Variants in ATP6V0A4 observed in about 807,000 individuals in gnomAD.
ATP6V0A4 encodes the protein V-type proton ATPase 116 kDa subunit a 4.
Under a neutral mutation model 107.3 loss-of-function variants are expected in ATP6V0A4, and 86 were observed. The observed-to-expected ratio is 0.80, with a 90% CI of 0.67 to 0.96. ATP6V0A4 has a LOEUF of 0.96. Among genes scored for constraint, ATP6V0A4 ranks in the 40% least tolerant of loss-of-function variants. The pLI, the probability that ATP6V0A4 is intolerant of heterozygous loss-of-function variation, is 0.00. For missense variants in ATP6V0A4, 908 were observed against 1,045.6 expected, an observed-to-expected ratio of 0.87 and a Z score of 1.81; for synonymous variants, 353 against 381.4, an observed-to-expected ratio of 0.93 and a Z score of 0.87.
intron 5 of ATP6V0A4, among the ~76,000 whole-genome samples, chr7:138,767,766 T>C (rs1213244875): frequency 6.6e-5 from 10 of 151,908 alleles, no homozygotes; most frequent in Admixed American, 6.6e-4. Flanking sequence ...TTCAGTTAAG[T>C]CCCCCAGGGT....
At position 138,779,281 on chromosome 7, in the gene ATP6V0A4, G is replaced by A. The variant is rs548495444; in HGVS notation, c.-18+6877C>T. Among the ~76,000 whole-genome samples, 3 of 151,890 alleles carry A rather than the reference G, an allele frequency of 2.0e-5. No individual in the cohort carries two copies. The South Asian group carries it at 6.3e-4, about 32-fold the overall frequency. Reference sequence around the variant, plus strand: ...AGGATGACCTGAGCCTGGGGAGGTCGAGGCTGCAGTGAGCCATGATCATGC... The same window carrying A: ...AGGATGACCTGAGCCTGGGGAGGTCAAGGCTGCAGTGAGCCATGATCATGC... On this transcript the variant is annotated intron_variant, in intron 2 of 21. Coordinates refer to ENST00000310018, the MANE Select transcript of ATP6V0A4 (RefSeq NM_020632.3).
At chr7:138,796,106 T>C (rs1354253761) in intron 1 of ATP6V0A4, among the ~76,000 whole-genome samples, 2 of 152,168 alleles carry the variant, frequency 1.3e-5, no homozygotes, top group Non-Finnish European at 2.9e-5. Context: ...CAGGGTTTAC[T>C]TGTGAGGAAA....
chr7:138,767,325 C>G (rs1807143304), intron 5 of ATP6V0A4, among the ~76,000 whole-genome samples: 1 of 152,150 alleles, frequency 6.6e-6, no homozygotes, highest in South Asian at 2.1e-4. Context: ...GAGTTCGAGA[C>G]CAGCCTGGAC....
intron 15 of ATP6V0A4, 129 bp downstream of exon 15, chr7:138,739,411 A>T: frequency 8.4e-7 from 1 of 1,189,970 alleles, no homozygotes; most frequent in Non-Finnish European, 1.2e-6. Flanking sequence ...CAAAAACGTC[A>T]GCAGAAGTTA....
At chr7:138,722,268 T>C (rs1804460055) in intron 18 of ATP6V0A4, among the ~76,000 whole-genome samples, 1 of 151,912 alleles carries the variant, frequency 6.6e-6, no homozygotes, top group Non-Finnish European at 1.5e-5. Flanking sequence ...GCACAGCTTG[T>C]AGTGAGCGGA....
At chr7:138,769,005 C>A in intron 4 of ATP6V0A4, 131 bp from the exon 5 acceptor site, 1 of 1,569,924 alleles carries the variant, frequency 6.4e-7, no homozygotes, top group Admixed American at 1.9e-5. Context: ...TGCCACAGCA[C>A]CTGGATCCCA....
chr7:138,777,966 G>A (rs554678462), intron 2 of ATP6V0A4, among the ~76,000 whole-genome samples: 1 of 152,224 alleles, frequency 6.6e-6, no homozygotes, highest in African/African-American at 2.4e-5. Context: ...GGAAAATTTC[G>A]CTGACTTCAT....
intron 14 of ATP6V0A4, among the ~76,000 whole-genome samples, chr7:138,743,460 AAAAAAAAAAAG>A (rs926200060): frequency 1.3e-5 from 2 of 150,946 alleles, no homozygotes; most frequent in African/African-American, 4.9e-5. Flanking sequence ...TCCATCTCAA[AAAAAAAAAAAG>A]AAAAAGAAAA....
intron 1 of ATP6V0A4, among the ~76,000 whole-genome samples, chr7:138,793,835 C>T (rs1245611724): frequency 6.6e-6 from 1 of 152,154 alleles, no homozygotes; most frequent in Non-Finnish European, 1.5e-5. Flanking sequence ...TTTGTGTTAA[C>T]CTCCGCGTGT....
rs1806908070 is a variant in ATP6V0A4, at chr7:138,763,044, G to A, written c.292-19C>T. The stretch of plus-strand genomic sequence containing the variant: ...GAACAGTCTATGCAGGAAGGAAAAA[G>A]AAGGTAAGCCAACAGAAAGTGCTAT... On this transcript the variant is annotated intron_variant, in intron 5 of 21. Coordinates refer to ENST00000310018, the MANE Select transcript of ATP6V0A4 (RefSeq NM_020632.3). 2 of 1,613,800 alleles carry A rather than the reference G, an allele frequency of 1.2e-6. No individual in the cohort carries two copies. Among genetic ancestry groups the A allele is most frequent in the African/African-American group, 1.3e-5 (1 of 74,988 alleles).
intron 3 of ATP6V0A4, 121 bp downstream of exon 3, chr7:138,771,010 A>G (rs1807353478): frequency 9.5e-7 from 1 of 1,048,928 alleles, no homozygotes; most frequent in African/African-American, 1.6e-5. Context: ...AATTTCATCG[A>G]TTCCAGCTCA....
intron 12 of ATP6V0A4, among the ~76,000 whole-genome samples, chr7:138,747,835 A>G (rs1584922519): frequency 2.6e-5 from 4 of 151,856 alleles, no homozygotes; most frequent in Admixed American, 2.6e-4. Context: ...GCTCACTGCA[A>G]CCTCCACCTC....
At chr7:138,756,352 C>T in intron 9 of ATP6V0A4, 106 bp downstream of exon 9, 1 of 1,557,606 alleles carries the variant, frequency 6.4e-7, no homozygotes, top group Non-Finnish European at 8.8e-7. Context: ...TATTCTAAAG[C>T]CTTACTGACC....
chr7:138,716,056 G>T, intron 19 of ATP6V0A4, 175 bp from the exon 20 acceptor site: 1 of 447,862 alleles, frequency 2.2e-6, no homozygotes, highest in Non-Finnish European at 3.0e-6. Flanking sequence ...AAAGTCGTAT[G>T]TTATGTGTGT....
intron 18 of ATP6V0A4, among the ~76,000 whole-genome samples, chr7:138,725,541 C>T (rs1488508706): frequency 1.1e-4 from 17 of 151,726 alleles, no homozygotes; most frequent in Middle Eastern, 6.8e-3. Context: ...GACGGAGTCT[C>T]GCTTATGTCG....
intron 19 of ATP6V0A4, among the ~76,000 whole-genome samples, chr7:138,718,524 A>AT: frequency 8.8e-6 from 1 of 114,160 alleles, no homozygotes. Context: ...CCAGGAAGGA[A>AT]TGGGGCGGGT....
chr7:138,751,515 C>T (rs1273562945), intron 11 of ATP6V0A4, among the ~76,000 whole-genome samples: 1 of 151,294 alleles, frequency 6.6e-6, no homozygotes, highest in Non-Finnish European at 1.5e-5. Context: ...TCCTGCCCCT[C>T]GCCGTCCCCT....
chr7:138,745,962 A>AAAATATAT lies in ATP6V0A4; in HGVS notation c.1321-683_1321-682insATATATTT, dbSNP rs1554396065. ...CTGTCTCAAAAAAAAAAAAAAAAAA[A>AAAATATAT]ATATATATATATATATAAAATATAT... On this transcript the variant is annotated intron_variant, in intron 13 of 21. Transcript: ENST00000310018. Among the ~76,000 whole-genome samples the AAAATATAT allele has an allele frequency of 1.5e-4, 10 of 65,678 alleles. 1 individual carries two copies. The highest frequency in any genetic ancestry group is 6.0e-4 in the African/African-American group (9 of 14,912). The allele number at this position is 65,678 out of a possible 152,430, so 43.1% of individuals were successfully genotyped here.
At chr7:138,720,353 G>A (rs1221450827) in intron 19 of ATP6V0A4, among the ~76,000 whole-genome samples, 1 of 152,154 alleles carries the variant, frequency 6.6e-6, no homozygotes, top group African/African-American at 2.4e-5. Context: ...TCCATGAATG[G>A]TGACTAAAGT....
Sources: gnomAD v4.1 joint callset for allele counts (sites outside exome capture counted in the v4.1 genomes callset) on GRCh38, gnomAD v4.1.1 for gene constraint, MANE v1.5 for transcripts, NCBI Gene and HGNC (gene_info 2026-07-23, HGNC 2026-07-21) for gene names.